ITGB2: variants seen among roughly 807,000 people sequenced by gnomAD.
ITGB2 encodes integrin subunit beta 2.
ITGB2 carries 56 observed loss-of-function variants against 86.8 expected under a neutral mutation model. That is an observed-to-expected ratio of 0.65 (90% CI 0.52 to 0.81). ITGB2 has a LOEUF of 0.81. Ranked by LOEUF, ITGB2 falls within the 30% of genes least tolerant of loss-of-function variation. The pLI is 0.00. For missense variants in ITGB2, 948 were observed against 1,061.2 expected (o/e 0.89, Z 1.48); for synonymous variants, 457 against 450.4 (o/e 1.01, Z -0.19).
chr21:44,918,694 G>A (rs1484143672), intron 1 of ITGB2, among the ~76,000 whole-genome samples: 2 of 152,224 alleles, frequency 1.3e-5, no homozygotes, highest in East Asian at 3.9e-4. Flanking sequence ...TCTCCTGGTG[G>A]TGGCCGTGTT....
chr21:44,905,007 T>C (rs2084021943), intron 4 of ITGB2, among the ~76,000 whole-genome samples: 1 of 152,164 alleles, frequency 6.6e-6, no homozygotes, highest in Non-Finnish European at 1.5e-5. Flanking sequence ...ACAGTAAATG[T>C]GTTTGGCTTT....
Position 44,899,157 on chromosome 21 carries a change from G to A in ITGB2, c.903C>T (p.Tyr301=), listed in dbSNP as rs1479664088. The A allele has an allele frequency of 6.2e-7, 1 of 1,613,482 alleles. No individual in the cohort carries two copies. Among genetic ancestry groups the A allele is most frequent in the South Asian group, 1.1e-5 (1 of 91,056 alleles). The change falls in exon 8 of 16, where the codon TAC becomes TAT. Residue 301 remains tyrosine, a synonymous_variant. Coordinates refer to ENST00000652462, the MANE Select transcript of ITGB2 (RefSeq NM_000211.5). The part of the protein sequence containing the change: ...NLYKRSNEFD[Y]PSVGQLAHKL... The stretch of plus-strand genomic sequence containing the variant: ...TGTGCGCCAGCTGGCCCACCGATGG[G>A]TAGTCCTGGAGAGAGGAGGTCCTGC...
chr21:44,928,398 A>G (rs1178934350), intron 1 of ITGB2: 2 of 152,304 alleles, frequency 1.3e-5, no homozygotes, highest in Non-Finnish European at 2.9e-5. Flanking sequence ...GTCCGTCCAC[A>G]TGGCCCAGCA....
intron 1 of ITGB2, among the ~76,000 whole-genome samples, chr21:44,920,053 G>A (rs139523927): frequency 2.6e-5 from 4 of 152,274 alleles, no homozygotes; most frequent in South Asian, 4.1e-4. Flanking sequence ...ATCGCACAGC[G>A]GTGCCCGCTC....
intron 1 of ITGB2, chr21:44,927,584 C>G (rs947909174): frequency 2.0e-5 from 3 of 152,476 alleles, no homozygotes; most frequent in East Asian, 3.9e-4. Context: ...ACCCTGCCCC[C>G]ACGTAGGCCT....
chr21:44,902,342 CAT>C (rs1435585191), intron 5 of ITGB2, among the ~76,000 whole-genome samples: 1 of 152,068 alleles, frequency 6.6e-6, no homozygotes. Flanking sequence ...AGCATGCATT[CAT>C]GTGTGTGAGC....
intron 1 of ITGB2, chr21:44,926,968 C>A (rs1005352164): frequency 2.6e-5 from 4 of 152,204 alleles, no homozygotes; most frequent in Admixed American, 6.5e-5. Flanking sequence ...TGAGAGGGAC[C>A]CCCAGCGTCC....
chr21:44,922,113 G>T (rs1334655434), upstream of ITGB2, among the ~76,000 whole-genome samples: 2 of 152,192 alleles, frequency 1.3e-5, no homozygotes, highest in African/African-American at 2.4e-5. Flanking sequence ...GTTGGGCAAA[G>T]AAATAAGTAA....
At position 44,900,395 on chromosome 21, in the gene ITGB2, C is replaced by T. The variant is rs757063158; in HGVS notation, c.822G>A (p.Lys274=). 4 of 1,614,112 alleles carry T rather than the reference C, an allele frequency of 2.5e-6. No homozygotes were observed. In the African/African-American group the frequency reaches 4.0e-5, roughly 16 times the overall value. The part of the protein sequence containing the change: ...DDGFHFAGDG[K]LGAILTPNDG... ...CGTTGGGGGTCAGGATGGCGCCCAG[C>T]TTCCCGTCGCCCGCGAAATGGAAGC... is the stretch of plus-strand genomic sequence containing the variant. Residue 274 remains lysine, a synonymous_variant, in exon 7 of 16, where the codon AAG becomes AAA. Coordinates refer to ENST00000652462, the MANE Select transcript of ITGB2 (RefSeq NM_000211.5).
At chr21:44,927,556 A>T (rs1165049235) in intron 1 of ITGB2, 1 of 151,332 alleles carries the variant, frequency 6.6e-6, no homozygotes, top group Non-Finnish European at 1.5e-5. Flanking sequence ...CCTGCAACCC[A>T]ACTCTGGTCT....
intron 8 of ITGB2, among the ~76,000 whole-genome samples, chr21:44,897,149 C>T (rs1040368): frequency 0.056 from 8,561 of 152,308 alleles, 794 homozygotes; most frequent in African/African-American, 0.19. Flanking sequence ...CCTGCTCCCA[C>T]TCCAGAGCCC....
chr21:44,922,966 A>G (rs538720728), upstream of ITGB2: 13 of 152,302 alleles, frequency 8.5e-5, no homozygotes, highest in South Asian at 8.3e-4. Flanking sequence ...ATTCTACTAC[A>G]CCCGCTGATG....
chr21:44,890,513 G>C (rs2083771529), intron 11 of ITGB2, among the ~76,000 whole-genome samples: 1 of 152,206 alleles, frequency 6.6e-6, no homozygotes, highest in Admixed American at 6.5e-5. Flanking sequence ...CATGCACATG[G>C]CCTGTGCTGC....
At chr21:44,922,564 T>C (rs2084320246), upstream of ITGB2, among the ~76,000 whole-genome samples, 1 of 151,284 alleles carries the variant, frequency 6.6e-6, no homozygotes, top group Admixed American at 6.6e-5. Flanking sequence ...TCCAGGCTAC[T>C]TGGGAGGCTG....
chr21:44,925,634 T>C (rs113883671), upstream of ITGB2, among the ~76,000 whole-genome samples: 753 of 152,254 alleles, frequency 4.9e-3, 9 homozygotes, highest in African/African-American at 0.018. Context: ...TCCAGAGTCT[T>C]ATTAAATAAT....
intron 3 of ITGB2, among the ~76,000 whole-genome samples, chr21:44,908,400 ATAT>A (rs201492411): frequency 0.056 from 8,442 of 151,468 alleles, 537 homozygotes; most frequent in African/African-American, 0.16. Context: ...TAAACTAATA[ATAT>A]TATTATTATT....
rs1230491665 is a variant in ITGB2, at chr21:44,888,293, TC to T, written c.2080+399del. On this transcript the variant is annotated intron_variant, in intron 14 of 15. Coordinates refer to ENST00000652462, the MANE Select transcript of ITGB2 (RefSeq NM_000211.5). ...CGAGCACCAGGATCTCCCAATCCCC[TC>T]AAAGGAGCCTCACGCAGCAACCTGA... is the stretch of plus-strand genomic sequence containing the variant. 3.9e-5 allele frequency among the ~76,000 whole-genome samples: 6 copies of T among 152,242 alleles called. No homozygotes were observed. In the South Asian group the frequency reaches 1.0e-3, roughly 26 times the overall value.
chr21:44,905,095 A>G (rs985917568), intron 4 of ITGB2, among the ~76,000 whole-genome samples: 4 of 152,204 alleles, frequency 2.6e-5, no homozygotes, highest in African/African-American at 9.6e-5. Context: ...GCCATGCTGC[A>G]GTCAAAGGGC....
At chr21:44,910,256 G>C (rs768344521) in intron 3 of ITGB2, 28 bp downstream of exon 3, 1 of 1,610,746 alleles carries the variant, frequency 6.2e-7, no homozygotes, top group Non-Finnish European at 8.5e-7. Flanking sequence ...GAGCTGGGCA[G>C]GTGGGGAGGG....
Sources: allele counts gnomAD v4.1 joint callset (sites outside exome capture counted in the v4.1 genomes callset), GRCh38; gene constraint gnomAD v4.1.1; transcripts MANE v1.5; gene names NCBI Gene and HGNC (gene_info 2026-07-23, HGNC 2026-07-21).